Variants in CDC26 observed in about 807,000 individuals in gnomAD.
The protein encoded by CDC26 is cell division cycle 26.
Under a neutral mutation model 8.0 loss-of-function variants are expected in CDC26, and 2 were observed. The observed-to-expected ratio is 0.25, with a 90% CI of 0.10 to 0.79. The LOEUF (loss-of-function observed/expected upper bound fraction) is 0.79, where lower values mean the gene tolerates loss of function less well. Ranked by LOEUF, CDC26 falls within the 30% of genes least tolerant of loss-of-function variation. The pLI, the probability that CDC26 is intolerant of heterozygous loss-of-function variation, is 0.70. For missense variants in CDC26, 68 were observed against 106.0 expected (o/e 0.64, Z 1.57); for synonymous variants, 19 against 34.9 (o/e 0.55, Z 1.60).
At chr9:113,269,374 G>A (rs1457352358) in intron 3 of CDC26, among the ~76,000 whole-genome samples, 2 of 152,168 alleles carry the variant, frequency 1.3e-5, no homozygotes, top group Non-Finnish European at 2.9e-5. Context: ...GTGAAAACAA[G>A]TTCGAAAAGG....
intron 3 of CDC26, 40 bp downstream of exon 3, chr9:113,272,387 C>G (rs151215682): frequency 6.9e-7 from 1 of 1,455,684 alleles, no homozygotes; most frequent in Non-Finnish European, 9.6e-7. Flanking sequence ...TGTGACAGAG[C>G]GAGACTCCAT....
intron 3 of CDC26, among the ~76,000 whole-genome samples, chr9:113,269,652 T>A (rs1315245223): frequency 6.6e-6 from 1 of 152,130 alleles, no homozygotes; most frequent in East Asian, 1.9e-4. Flanking sequence ...GACTGTAGAG[T>A]CAAAGTTCAG....
Position 113,269,831 on chromosome 9 carries a change from A to G in CDC26, c.82-2392T>C, listed in dbSNP as rs541355434. The stretch of plus-strand genomic sequence containing the variant: ...AGAAATCTAAGTTATTAGTCTTAAT[A>G]TGAAGCATATACAATACATAATAAA... On this transcript the variant is annotated intron_variant, in intron 3 of 3. Coordinates refer to ENST00000374206, the MANE Select transcript of CDC26 (RefSeq NM_139286.4). Among the ~76,000 whole-genome samples the G allele has an allele frequency of 5.9e-5, 9 of 152,368 alleles. 1 individual carries two copies. The highest frequency in any genetic ancestry group is 1.0e-4 in the Non-Finnish European group (7 of 68,036).
intron 1 of CDC26, among the ~76,000 whole-genome samples, chr9:113,273,899 A>C (rs1240728772): frequency 2.0e-5 from 3 of 152,006 alleles, no homozygotes; most frequent in African/African-American, 7.2e-5. Flanking sequence ...CTATGTTAAC[A>C]AAAACCATTT....
At chr9:113,269,724 C>T (rs1831924832) in intron 3 of CDC26, among the ~76,000 whole-genome samples, 1 of 152,136 alleles carries the variant, frequency 6.6e-6, no homozygotes, top group Non-Finnish European at 1.5e-5. Context: ...AAAGCTCATG[C>T]TTAATAATAT....
chr9:113,268,757 A>G (rs1034961888), intron 3 of CDC26, among the ~76,000 whole-genome samples: 1 of 150,952 alleles, frequency 6.6e-6, no homozygotes, highest in African/African-American at 2.4e-5. Flanking sequence ...CTGTCTCCAC[A>G]ATTTTTTTTT....
At chr9:113,270,739 G>A (rs1831942894) in intron 3 of CDC26, among the ~76,000 whole-genome samples, 1 of 152,226 alleles carries the variant, frequency 6.6e-6, no homozygotes, top group Non-Finnish European at 1.5e-5. Context: ...GAGAGCCAAT[G>A]TGGCTAGGGT....
chr9:113,274,022 T>G (rs1386501943), intron 1 of CDC26, among the ~76,000 whole-genome samples: 1 of 152,114 alleles, frequency 6.6e-6, no homozygotes, highest in East Asian at 1.9e-4. Flanking sequence ...ATAAAAACAG[T>G]CAGTAAATGT....
chr9:113,268,716 C>T lies in CDC26; in HGVS notation c.82-1277G>A, dbSNP rs149673146. ...GGATTGCTTGAGCCCAGGAGTGTGA[C>T]ACTAGCCTGGGCAACATAGTGACAC... On this transcript the variant is annotated intron_variant, in intron 3 of 3. Transcript: ENST00000374206. Among the ~76,000 whole-genome samples, 456 of 152,234 alleles carry T rather than the reference C, an allele frequency of 3.0e-3. 7 individuals are homozygous for T. Among genetic ancestry groups the T allele is most frequent in the Middle Eastern group, 0.027 (8 of 294 alleles).
intron 3 of CDC26, among the ~76,000 whole-genome samples, chr9:113,269,857 G>A (rs1016688526): frequency 2.6e-5 from 4 of 152,314 alleles, no homozygotes; most frequent in Non-Finnish European, 5.9e-5. Flanking sequence ...ACATAATAAA[G>A]CTGTTGGTGA....
intron 3 of CDC26, among the ~76,000 whole-genome samples, chr9:113,268,329 C>T (rs140564584): frequency 6.6e-6 from 1 of 152,308 alleles, no homozygotes; most frequent in East Asian, 1.9e-4. Context: ...GCTATCTTAT[C>T]AAAAGGTCTG....
intron 3 of CDC26, among the ~76,000 whole-genome samples, chr9:113,268,396 G>T (rs1831898344): frequency 6.6e-6 from 1 of 152,194 alleles, no homozygotes; most frequent in Non-Finnish European, 1.5e-5. Context: ...AGTCACATGT[G>T]ACTGCAGAAT....
chr9:113,273,811 G>A (rs1831999206), intron 1 of CDC26, among the ~76,000 whole-genome samples: 1 of 102,018 alleles, frequency 9.8e-6, no homozygotes, highest in African/African-American at 4.1e-5. Flanking sequence ...CTCACCATGA[G>A]ACCCCAACTC....
At chr9:113,272,292 A>G in intron 3 of CDC26, 135 bp downstream of exon 3, 2 of 677,106 alleles carry the variant, frequency 3.0e-6, no homozygotes, top group Non-Finnish European at 5.3e-6. Context: ...GCTGGCATGA[A>G]CCTGTGGTCC....
At chr9:113,274,646 A>G (rs1472885381) in intron 1 of CDC26, among the ~76,000 whole-genome samples, 1 of 152,212 alleles carries the variant, frequency 6.6e-6, no homozygotes, top group Non-Finnish European at 1.5e-5. Context: ...TAAAGGGCAC[A>G]GGTTTTAATC....
chr9:113,271,841 T>C (rs1316890274), intron 3 of CDC26, among the ~76,000 whole-genome samples: 1 of 152,228 alleles, frequency 6.6e-6, no homozygotes, highest in Non-Finnish European at 1.5e-5. Flanking sequence ...TGTGTGTGTA[T>C]ATACATATTT....
chr9:113,269,693 C>T (rs1311334209), intron 3 of CDC26, among the ~76,000 whole-genome samples: 1 of 152,166 alleles, frequency 6.6e-6, no homozygotes, highest in Non-Finnish European at 1.5e-5. Context: ...TTCGTTACAA[C>T]TGAAGTTTAA....
chr9:113,267,236 C>T lies in CDC26; in HGVS notation c.*27G>A, dbSNP rs542416131. On this transcript the variant is annotated 3_prime_UTR_variant, in exon 4 of 4. Transcript: ENST00000374206. ...CTGCCATCATTTTATTCCATTCCAG[C>T]GCTCTGGCATGCAAGATAATCCATC... 62 of 1,367,404 alleles carry T rather than the reference C, an allele frequency of 4.5e-5. 1 individual carries two copies. The highest frequency in any genetic ancestry group is 4.2e-4 in the South Asian group (29 of 69,832). The allele number at this position is 1,367,404 out of a possible 1,614,324, so 84.7% of individuals were successfully genotyped here.
chr9:113,272,232 A>G (rs571777464), intron 3 of CDC26, among the ~76,000 whole-genome samples, 195 bp downstream of exon 3: 5 of 152,214 alleles, frequency 3.3e-5, no homozygotes, highest in African/African-American at 1.2e-4. Context: ...GCCTGGCCCC[A>G]ACATGGCAAA....
Sources: gnomAD v4.1 joint callset for allele counts (sites outside exome capture counted in the v4.1 genomes callset) on GRCh38, gnomAD v4.1.1 for gene constraint, MANE v1.5 for transcripts, NCBI Gene and HGNC (gene_info 2026-07-23, HGNC 2026-07-21) for gene names.